SRGAP3: variants seen among roughly 807,000 people sequenced by gnomAD.
SRGAP3 encodes SLIT-ROBO Rho GTPase-activating protein 3.
Under a neutral mutation model 121.1 loss-of-function variants are expected in SRGAP3, and 39 were observed. The ratio of observed to expected loss-of-function variants is 0.32; its 90% CI spans 0.25 to 0.42. The LOEUF (loss-of-function observed/expected upper bound fraction) is 0.42, where lower values mean the gene tolerates loss of function less well. Among genes scored for constraint, SRGAP3 ranks in the 10% least tolerant of loss-of-function variants. The pLI is 1.00. For missense variants in SRGAP3, 1,213 were observed against 1,470.6 expected, an observed-to-expected ratio of 0.82 and a Z score of 2.86; for synonymous variants, 601 against 570.0, an observed-to-expected ratio of 1.05 and a Z score of -0.77.
intron 1 of SRGAP3, among the ~76,000 whole-genome samples, chr3:9,166,643 A>T (rs1277485207): frequency 1.3e-5 from 2 of 152,148 alleles, no homozygotes; most frequent in Non-Finnish European, 2.9e-5. Flanking sequence ...AGCCAGAGAG[A>T]AATTGACTTC....
At chr3:9,022,022 C>A (rs576058465) in intron 14 of SRGAP3, among the ~76,000 whole-genome samples, 1 of 152,028 alleles carries the variant, frequency 6.6e-6, no homozygotes, top group South Asian at 2.1e-4. Flanking sequence ...GAGGCAGAGA[C>A]CCTGTCTCAA....
chr3:9,252,424 T>A (rs1954038641), upstream of SRGAP3, among the ~76,000 whole-genome samples: 1 of 151,990 alleles, frequency 6.6e-6, no homozygotes, highest in African/African-American at 2.4e-5. Flanking sequence ...CAAATAAAAC[T>A]TTTTTCTTTA....
rs575715549 is a variant in SRGAP3, at chr3:9,322,304, T to C, written n.442+3706A>G. 3.1e-3 allele frequency among the ~76,000 whole-genome samples: 468 copies of C among 151,858 alleles called. 22 individuals carry two copies. The highest frequency in any genetic ancestry group is 3.5e-3 in the Non-Finnish European group (236 of 67,948). On this transcript the variant is annotated intron_variant and non_coding_transcript_variant, in intron 3 of 3. Transcript: ENST00000490889. Reference sequence around the variant, plus strand: ...GTACGTGAGATGGATTTAAGGTGGATTGGACTTTCCAAGTGCGTTAAGTGG... The same window carrying C: ...GTACGTGAGATGGATTTAAGGTGGACTGGACTTTCCAAGTGCGTTAAGTGG...
At chr3:9,025,370 T>C in intron 13 of SRGAP3, 32 bp from the exon 14 acceptor site, 1 of 1,609,132 alleles carries the variant, frequency 6.2e-7, no homozygotes, top group South Asian at 1.1e-5. Flanking sequence ...AAAGAAATAG[T>C]AAATCCACGA....
chr3:9,021,763 C>G (rs567449786), intron 14 of SRGAP3, among the ~76,000 whole-genome samples: 1 of 152,154 alleles, frequency 6.6e-6, no homozygotes, highest in Non-Finnish European at 1.5e-5. Context: ...AGAATGGGCA[C>G]CCTGCAGGAA....
rs189862892 is a variant in SRGAP3, at chr3:9,097,062, C to T, written c.423+7618G>A. Reference sequence around the variant, plus strand: ...CTGGAGTACAGTGGTACAATCTTGGCGCACTGCAGCCCCAAAATCCCAGGC... The same window carrying T: ...CTGGAGTACAGTGGTACAATCTTGGTGCACTGCAGCCCCAAAATCCCAGGC... On this transcript the variant is annotated intron_variant, in intron 3 of 21. Transcript: ENST00000383836. Among the ~76,000 whole-genome samples, 287 of 148,748 alleles carry T rather than the reference C, an allele frequency of 1.9e-3. 1 individual carries two copies. Among genetic ancestry groups the T allele is most frequent in the African/African-American group, 6.5e-3 (264 of 40,458 alleles).
At chr3:9,328,335 C>T (rs774039330) in intron 2 of SRGAP3, among the ~76,000 whole-genome samples, 49 of 152,114 alleles carry the variant, frequency 3.2e-4, no homozygotes, top group Non-Finnish European at 5.3e-4. Context: ...TTTTCATTTG[C>T]CACATTTTAA....
At chr3:9,055,733 A>G (rs1037031076) in intron 8 of SRGAP3, among the ~76,000 whole-genome samples, 1 of 152,258 alleles carries the variant, frequency 6.6e-6, no homozygotes, top group Non-Finnish European at 1.5e-5. Context: ...AGAAGTAAAC[A>G]GAAAGCACCT....
intron 1 of SRGAP3, among the ~76,000 whole-genome samples, chr3:9,126,745 G>A (rs931645288): frequency 2.6e-5 from 4 of 152,052 alleles, no homozygotes; most frequent in African/African-American, 9.7e-5. Flanking sequence ...TGTACAGTGT[G>A]GAATGCTAGA....
rs143644790 is a variant in SRGAP3 at position 9,227,068 on chromosome 3, G to A, written c.67+21817C>T. On this transcript the variant is annotated intron_variant, in intron 1 of 21. Transcript: ENST00000383836. ...GCCAGGTGGGCACTGGCACAAGTCC[G>A]AGCCCCTGTCCCATTGGAAGGGAAC... Among the ~76,000 whole-genome samples, 436 of 152,292 alleles carry A rather than the reference G, an allele frequency of 2.9e-3. 2 individuals carry two copies. Among genetic ancestry groups the A allele is most frequent in the African/African-American group, 9.7e-3 (405 of 41,568 alleles).
intron 18 of SRGAP3, among the ~76,000 whole-genome samples, chr3:9,002,430 G>A (rs1462397564): frequency 6.6e-6 from 1 of 152,124 alleles, no homozygotes; most frequent in African/African-American, 2.4e-5. Flanking sequence ...ATGGGATGCA[G>A]CTAAAGCAGT....
At chr3:9,078,509 C>T (rs773872924) in intron 4 of SRGAP3, among the ~76,000 whole-genome samples, 10 of 152,076 alleles carry the variant, frequency 6.6e-5, no homozygotes, top group Non-Finnish European at 1.5e-4. Context: ...CAAGGAGGAG[C>T]CAATGATAGT....
intron 4 of SRGAP3, among the ~76,000 whole-genome samples, chr3:9,073,069 CTG>C (rs1415345806): frequency 3.3e-5 from 5 of 152,210 alleles, no homozygotes; most frequent in Admixed American, 2.0e-4. Context: ...TTATACCAAA[CTG>C]TGTTTCATCT....
At chr3:9,152,032 T>C (rs1950228445) in intron 1 of SRGAP3, among the ~76,000 whole-genome samples, 1 of 152,090 alleles carries the variant, frequency 6.6e-6, no homozygotes, top group South Asian at 2.1e-4. Context: ...GCCTTAATGG[T>C]GTCTTATTTA....
chr3:9,268,316 C>CTCTCTT (rs1185965676), intron 3 of SRGAP3, among the ~76,000 whole-genome samples: 2 of 151,878 alleles, frequency 1.3e-5, no homozygotes, highest in Admixed American at 6.6e-5. Context: ...CTCTCTCTCT[C>CTCTCTT]TCTCTCTTTC....
chr3:9,144,858 G>C (rs1949972561), intron 1 of SRGAP3, among the ~76,000 whole-genome samples: 1 of 152,178 alleles, frequency 6.6e-6, no homozygotes, highest in African/African-American at 2.4e-5. Context: ...GGGAAATTGA[G>C]TAACTACCCT....
At chr3:9,035,735 G>A (rs1304120792) in intron 11 of SRGAP3, 2 of 165,316 alleles carry the variant, frequency 1.2e-5, no homozygotes, top group Non-Finnish European at 2.6e-5. Context: ...ATTAACACAC[G>A]TTGGCAACAC....
At chr3:8,992,502 T>C (rs1942116183) in intron 20 of SRGAP3, 1 of 364,748 alleles carries the variant, frequency 2.7e-6, no homozygotes, top group South Asian at 3.7e-5. Context: ...GAGTTTTCTG[T>C]TTATGTAGCG....
intron 21 of SRGAP3, among the ~76,000 whole-genome samples, chr3:8,987,253 G>A (rs963297437): frequency 4.6e-5 from 7 of 152,254 alleles, no homozygotes; most frequent in East Asian, 1.9e-4. Flanking sequence ...CTCCGCATCC[G>A]ACAGACATGA....
Sources: allele counts gnomAD v4.1 joint callset (sites outside exome capture counted in the v4.1 genomes callset), GRCh38; gene constraint gnomAD v4.1.1; transcripts MANE v1.5; gene names NCBI Gene and HGNC (gene_info 2026-07-23, HGNC 2026-07-21).